Variants in FRYL observed in about 807,000 individuals in gnomAD.
The protein encoded by FRYL is FRY like transcription coactivator, also known as protein furry homolog-like.
A neutral mutation model predicts 351.2 loss-of-function variants in FRYL; 150 were observed. The observed-to-expected ratio is 0.43, with a 90% CI of 0.37 to 0.49. FRYL has a LOEUF of 0.49. Ranked by LOEUF, FRYL falls within the 20% of genes least tolerant of loss-of-function variation. The pLI is 0.00. For missense variants in FRYL, 3,036 were observed against 3,619.3 expected (o/e 0.84, Z 4.13); for synonymous variants, 1,153 against 1,257.1 (o/e 0.92, Z 1.75).
At chr4:48,625,668 G>C (rs764705365) in intron 4 of FRYL, among the ~76,000 whole-genome samples, 17 of 152,114 alleles carry the variant, frequency 1.1e-4, no homozygotes, top group Non-Finnish European at 1.9e-4. Flanking sequence ...TTATATAAGG[G>C]ACTTGACCAT....
chr4:48,562,072 T>C lies in FRYL; in HGVS notation c.3697-436A>G, dbSNP rs372754287. ...TCTTTCTCACTAAAAGAATTTACAT[T>C]CCTCGTATTTAATGCCAATGATCCA... On this transcript the variant is annotated intron_variant, in intron 32 of 63. Coordinates refer to ENST00000358350, the MANE Select transcript of FRYL (RefSeq NM_015030.2). Among the ~76,000 whole-genome samples, 13 of 152,202 alleles carry C rather than the reference T, an allele frequency of 8.5e-5. No homozygotes were observed. The East Asian group carries it at 2.3e-3, about 27-fold the overall frequency.
At chr4:48,697,908 A>G (rs938746563) in intron 2 of FRYL, among the ~76,000 whole-genome samples, 5 of 152,252 alleles carry the variant, frequency 3.3e-5, no homozygotes, top group African/African-American at 1.2e-4. Context: ...ACTTTTCATT[A>G]AAGACCTGTT....
chr4:48,664,256 G>C (rs1420855265), intron 3 of FRYL, among the ~76,000 whole-genome samples: 4 of 152,164 alleles, frequency 2.6e-5, no homozygotes, highest in Non-Finnish European at 5.9e-5. Flanking sequence ...ATCAGAACAA[G>C]ATCAGACAGG....
chr4:48,670,270 TA>T (rs1471883873), intron 3 of FRYL, among the ~76,000 whole-genome samples: 1 of 151,766 alleles, frequency 6.6e-6, no homozygotes, highest in East Asian at 1.9e-4. Context: ...CCATCTCTAC[TA>T]AAAATACAAA....
intron 5 of FRYL, among the ~76,000 whole-genome samples, chr4:48,621,160 A>G (rs908995959): frequency 2.6e-5 from 4 of 152,238 alleles, no homozygotes; most frequent in African/African-American, 9.6e-5. Flanking sequence ...TGAACAAATG[A>G]TTCTAAAATA....
intron 55 of FRYL, among the ~76,000 whole-genome samples, chr4:48,518,695 T>G (rs553954440): frequency 1.1e-4 from 17 of 152,256 alleles, no homozygotes; most frequent in South Asian, 2.1e-4. Flanking sequence ...AACTGCTGCT[T>G]CTTCTGCCTG....
chr4:48,633,364 T>A (rs1467296055), intron 4 of FRYL, among the ~76,000 whole-genome samples: 1 of 152,224 alleles, frequency 6.6e-6, no homozygotes, highest in South Asian at 2.1e-4. Flanking sequence ...CTTGAAATCA[T>A]CATTTGCTCT....
In FRYL at chr4:48,571,846, T is replaced by C. The variant is rs561221030; in HGVS notation, c.2905-928A>G. On this transcript the variant is annotated intron_variant, in intron 26 of 63. Transcript: ENST00000358350. ...CAGTGTGAGTCTAAAGCTCTTCAAC[T>C]ATAACTCACATTCAAGGCACATCAC... 6 of 985,392 alleles carry C rather than the reference T, an allele frequency of 6.1e-6. No individual in the cohort carries two copies. In the African/African-American group the frequency reaches 1.0e-4, roughly 17 times the overall value. 61.0% of individuals were successfully genotyped at this position (985,392 alleles called of 1,614,324 possible).
rs879012030 is a variant in FRYL, at chr4:48,561,689, A to C, written c.3697-53T>G. The C allele has an allele frequency of 1.8e-5, 25 of 1,359,992 alleles. No homozygotes were observed. The South Asian group carries it at 3.6e-4, about 19-fold the overall frequency. The allele number at this position is 1,359,992 out of a possible 1,614,324, so 84.2% of individuals were successfully genotyped here. On this transcript the variant is annotated intron_variant, in intron 32 of 63. Coordinates refer to ENST00000358350, the MANE Select transcript of FRYL (RefSeq NM_015030.2). ...GGTTAAGATTTTATGGGTTCTCTAA[A>C]GTTTAACTATAATTTTATAATTTTT...
chr4:48,514,501 A>G (rs577299028), intron 56 of FRYL, among the ~76,000 whole-genome samples: 9 of 152,202 alleles, frequency 5.9e-5, no homozygotes, highest in Non-Finnish European at 1.2e-4. Flanking sequence ...AATTCTTCAT[A>G]CTTTCTGGTA....
At chr4:48,762,853 A>G (rs1774547796) in intron 1 of FRYL, among the ~76,000 whole-genome samples, 1 of 152,194 alleles carries the variant, frequency 6.6e-6, no homozygotes, top group African/African-American at 2.4e-5. Context: ...GTATACAATA[A>G]AACAAATCAA....
intron 13 of FRYL, among the ~76,000 whole-genome samples, chr4:48,599,812 G>A (rs909417995): frequency 1.3e-5 from 2 of 152,244 alleles, no homozygotes; most frequent in African/African-American, 4.8e-5. Flanking sequence ...CCAGTCATAA[G>A]AAGTATGGGT....
intron 1 of FRYL, among the ~76,000 whole-genome samples, chr4:48,746,946 G>C (rs1488141431): frequency 5.9e-5 from 9 of 152,138 alleles, no homozygotes; most frequent in Non-Finnish European, 1.2e-4. Context: ...TGGAGCCTAG[G>C]CAACTCTCAC....
At chr4:48,657,353 CTTTTTT>C (rs371640944) in intron 3 of FRYL, among the ~76,000 whole-genome samples, 8 of 122,382 alleles carry the variant, frequency 6.5e-5, no homozygotes, top group Non-Finnish European at 1.2e-4. Context: ...CTTTTCTTTT[CTTTTTT>C]TTTTTTTTTT....
intron 1 of FRYL, among the ~76,000 whole-genome samples, chr4:48,743,709 C>A (rs1772365693): frequency 6.6e-6 from 1 of 152,172 alleles, no homozygotes; most frequent in Non-Finnish European, 1.5e-5. Flanking sequence ...ACACTTAAAT[C>A]AGTAGACTCT....
At chr4:48,575,338 A>G in intron 24 of FRYL, 97 bp from the exon 25 acceptor site, 1 of 1,286,432 alleles carries the variant, frequency 7.8e-7, no homozygotes, top group Non-Finnish European at 1.1e-6. Flanking sequence ...GGATAAATGG[A>G]CAGGTGAAAC....
chr4:48,568,211 C>T (rs556377665), intron 27 of FRYL, among the ~76,000 whole-genome samples: 1 of 152,334 alleles, frequency 6.6e-6, no homozygotes, highest in South Asian at 2.1e-4. Flanking sequence ...GATCTAGTCA[C>T]TGCATTCCCG....
At chr4:48,745,473 A>C (rs1277291079) in intron 1 of FRYL, among the ~76,000 whole-genome samples, 1 of 152,144 alleles carries the variant, frequency 6.6e-6, no homozygotes, top group Admixed American at 6.5e-5. Context: ...TGAACTGGAA[A>C]CCATCATTCT....
chr4:48,675,603 C>T (rs1248789421), intron 3 of FRYL, among the ~76,000 whole-genome samples: 1 of 152,256 alleles, frequency 6.6e-6, no homozygotes, highest in Non-Finnish European at 1.5e-5. Flanking sequence ...GACCTGCAGC[C>T]TGCCATGCCT....
Sources: gnomAD v4.1 joint callset for allele counts (sites outside exome capture counted in the v4.1 genomes callset) on GRCh38, gnomAD v4.1.1 for gene constraint, MANE v1.5 for transcripts, NCBI Gene and HGNC (gene_info 2026-07-23, HGNC 2026-07-21) for gene names.